The following EPSTI1 variants were observed in gnomAD, a reference collection of about 807,000 sequenced individuals.
EPSTI1 encodes the protein epithelial stromal interaction 1.
EPSTI1 carries 66 observed loss-of-function variants against 49.9 expected under a neutral mutation model. The ratio of observed to expected loss-of-function variants is 1.32; its 90% confidence interval spans 1.08 to 1.62. EPSTI1 has a LOEUF of 1.62. Ranked by LOEUF, EPSTI1 falls within the 40% of genes most tolerant of loss-of-function variation. The pLI is 0.00. For missense variants in EPSTI1, 394 were observed against 365.5 expected (o/e 1.08, Z -0.64); for synonymous variants, 137 against 130.7 (o/e 1.05, Z -0.33).
chr13:42,963,677 A>C (rs2039525846), intron 4 of EPSTI1: 2 of 304,480 alleles, frequency 6.6e-6, no homozygotes, highest in Non-Finnish European at 6.0e-6. Flanking sequence ...TACAAAACTC[A>C]GTGTTCATTG....
chr13:42,937,723 C>A (rs2038612181), intron 6 of EPSTI1, among the ~76,000 whole-genome samples: 1 of 152,208 alleles, frequency 6.6e-6, no homozygotes. Flanking sequence ...ATCTGCAAGA[C>A]TTCCTCCACT....
Position 42,914,014 on chromosome 13 carries a change from C to T in EPSTI1, c.741+3527G>A, listed in dbSNP as rs1210988630. On this transcript the variant is annotated intron_variant, in intron 8 of 10. Coordinates refer to ENST00000313624, the MANE Select transcript of EPSTI1 (RefSeq NM_033255.5). The stretch of plus-strand genomic sequence containing the variant: ...CTTGCTTCCCCTTTGGCTTCTACCA[C>T]GATTCTAAGTTTCCTGAGGCCTCCC... 5.3e-5 allele frequency among the ~76,000 whole-genome samples: 8 copies of T among 152,118 alleles called. No individual in the cohort carries two copies. In the South Asian group the frequency reaches 6.2e-4, roughly 12 times the overall value.
At chr13:42,952,709 C>T (rs2039137568) in intron 6 of EPSTI1, among the ~76,000 whole-genome samples, 1 of 152,190 alleles carries the variant, frequency 6.6e-6, no homozygotes, top group South Asian at 2.1e-4. Flanking sequence ...ACATCACTTA[C>T]CAACACTTTC....
chr13:42,927,112 A>G (rs898399081), intron 6 of EPSTI1, among the ~76,000 whole-genome samples: 1 of 152,022 alleles, frequency 6.6e-6, no homozygotes, highest in African/African-American at 2.4e-5. Flanking sequence ...CTGATTCTAG[A>G]CTGCATTTCT....
chr13:42,890,287 T>TTTTC (rs2036991995), intron 10 of EPSTI1, among the ~76,000 whole-genome samples: 1 of 102,384 alleles, frequency 9.8e-6, no homozygotes, highest in South Asian at 4.3e-4. Flanking sequence ...TAAGAATTTT[T>TTTTC]TTTCTTTTCT....
intron 6 of EPSTI1, among the ~76,000 whole-genome samples, chr13:42,938,553 C>T (rs2038640802): frequency 1.3e-5 from 2 of 152,076 alleles, no homozygotes; most frequent in South Asian, 4.1e-4. Flanking sequence ...ATTGACTTCT[C>T]CTGTCTAGCT....
intron 1 of EPSTI1, among the ~76,000 whole-genome samples, chr13:42,972,627 T>C (rs2039793971): frequency 6.6e-6 from 1 of 152,190 alleles, no homozygotes; most frequent in Non-Finnish European, 1.5e-5. Flanking sequence ...TGACCATCCT[T>C]TAACTTTAGT....
At chr13:42,947,521 C>T (rs775890529) in intron 6 of EPSTI1, among the ~76,000 whole-genome samples, 15 of 152,152 alleles carry the variant, frequency 9.9e-5, no homozygotes, top group Non-Finnish European at 2.2e-4. Context: ...GGTGGTCTCA[C>T]AAATCCATTT....
chr13:42,953,352 T>C (rs2039160299), intron 6 of EPSTI1, among the ~76,000 whole-genome samples: 1 of 152,166 alleles, frequency 6.6e-6, no homozygotes, highest in Non-Finnish European at 1.5e-5. Flanking sequence ...TTAGAATTAA[T>C]GTAGGGCCAG....
intron 7 of EPSTI1, chr13:42,919,431 C>A: frequency 1.8e-6 from 2 of 1,094,386 alleles, no homozygotes; most frequent in Non-Finnish European, 2.8e-6. Flanking sequence ...ATTTGTCTAA[C>A]ATTGAAATAT....
intron 8 of EPSTI1, among the ~76,000 whole-genome samples, chr13:42,912,784 G>A (rs956523518): frequency 6.6e-6 from 1 of 151,730 alleles, no homozygotes; most frequent in African/African-American, 2.4e-5. Context: ...AATTTAGTGA[G>A]CAGGATGATC....
intron 1 of EPSTI1, among the ~76,000 whole-genome samples, chr13:42,977,507 A>G (rs893359142): frequency 1.3e-5 from 2 of 152,218 alleles, no homozygotes; most frequent in African/African-American, 4.8e-5. Context: ...AAATAGAAAA[A>G]GCTGTTTTGT....
chr13:42,988,874 A>G (rs922444150), intron 1 of EPSTI1, among the ~76,000 whole-genome samples: 3 of 108,198 alleles, frequency 2.8e-5, no homozygotes, highest in African/African-American at 9.9e-5. Flanking sequence ...TTATTTATTT[A>G]TTTGAGACAG....
At chr13:42,983,538 T>C (rs538998085) in intron 1 of EPSTI1, among the ~76,000 whole-genome samples, 2 of 120,868 alleles carry the variant, frequency 1.7e-5, no homozygotes, top group South Asian at 5.5e-4. Context: ...TACTCCAGCC[T>C]GGGCAACAGA....
In EPSTI1 at chr13:42,925,713, T is replaced by G. The variant is rs901996609; in HGVS notation, c.657+623A>C. 3.3e-5 allele frequency among the ~76,000 whole-genome samples: 5 copies of G among 152,262 alleles called. No individual in the cohort carries two copies. The East Asian group carries it at 7.7e-4, about 23-fold the overall frequency. On this transcript the variant is annotated intron_variant, in intron 7 of 10. Transcript: ENST00000313624. ...CTTATTTCTTGCATTTATACCTTAA[T>G]TCTTGCTCTATGTGTCTTTATTAAT... is the stretch of plus-strand genomic sequence containing the variant.
intron 7 of EPSTI1, among the ~76,000 whole-genome samples, chr13:42,925,926 CTT>C (rs1438823558): frequency 7.3e-5 from 10 of 136,658 alleles, no homozygotes; most frequent in Non-Finnish European, 1.6e-4. Context: ...TAGTGTTCTC[CTT>C]TACTAAGGTT....
At chr13:42,986,394 A>G (rs1472131771) in intron 1 of EPSTI1, among the ~76,000 whole-genome samples, 1 of 107,256 alleles carries the variant, frequency 9.3e-6, no homozygotes, top group African/African-American at 2.8e-5. Context: ...GTCCCTAGAC[A>G]GCTAGCTTAA....
intron 6 of EPSTI1, among the ~76,000 whole-genome samples, chr13:42,929,184 G>C (rs1424829211): frequency 1.2e-4 from 18 of 152,200 alleles, no homozygotes; most frequent in Admixed American, 1.2e-3. Context: ...GATTTGATCT[G>C]ACACTGAAGT....
At chr13:42,984,348 T>C (rs1012481175) in intron 1 of EPSTI1, among the ~76,000 whole-genome samples, 2 of 152,212 alleles carry the variant, frequency 1.3e-5, no homozygotes, top group Non-Finnish European at 2.9e-5. Flanking sequence ...GAGAAGGAAA[T>C]TGAACATCTG....
Sources: allele counts gnomAD v4.1 joint callset (sites outside exome capture counted in the v4.1 genomes callset), GRCh38; gene constraint gnomAD v4.1.1; transcripts MANE v1.5; gene names NCBI Gene and HGNC (gene_info 2026-07-23, HGNC 2026-07-21).